Variants in ANKRD12 observed in about 807,000 individuals in gnomAD.
ANKRD12 encodes the protein ankyrin repeat domain 12.
In ANKRD12, 85 loss-of-function variants were observed where a neutral mutation model predicts 183.4. That is an observed-to-expected ratio of 0.46 (90% CI 0.39 to 0.56). ANKRD12 has a LOEUF of 0.56. ANKRD12 is among the 20% of genes least tolerant of loss of function. The pLI is 0.00. For missense variants in ANKRD12, 2,405 were observed against 2,357.1 expected, an observed-to-expected ratio of 1.02 and a Z score of -0.42; for synonymous variants, 914 against 800.2, an observed-to-expected ratio of 1.14 and a Z score of -2.40.
rs528711326 is a variant in ANKRD12, at chr18:9,284,697, C to G, written c.*3571C>G. The stretch of plus-strand genomic sequence containing the variant: ...TTAAGCCTCCACAGAGATAGTCACC[C>G]AAAGTATTTCCAGTCAGTAAAAGTA... On this transcript the variant is annotated 3_prime_UTR_variant, in exon 13 of 13. Transcript: ENST00000262126. 6.6e-6 allele frequency: 1 copy of G among 151,566 alleles called. No homozygotes were observed. Among genetic ancestry groups the G allele is most frequent in the Non-Finnish European group, 1.5e-5 (1 of 67,922 alleles). The allele number at this position is 151,566 out of a possible 1,614,324, so 9.4% of individuals were successfully genotyped here.
At chr18:9,229,714 G>T (rs1036300470) in intron 8 of ANKRD12, among the ~76,000 whole-genome samples, 2 of 152,050 alleles carry the variant, frequency 1.3e-5, no homozygotes, top group African/African-American at 4.8e-5. Context: ...TTTTCTGCTT[G>T]TGTTGAAATT....
intron 1 of ANKRD12, among the ~76,000 whole-genome samples, chr18:9,163,690 G>C (rs540988507): frequency 6.6e-6 from 1 of 152,210 alleles, no homozygotes; most frequent in East Asian, 1.9e-4. Context: ...CCGTTTGTTT[G>C]TGTCCTCTCT....
At chr18:9,248,983 C>T (rs1419439103) in intron 8 of ANKRD12, among the ~76,000 whole-genome samples, 1 of 152,192 alleles carries the variant, frequency 6.6e-6, no homozygotes, top group Non-Finnish European at 1.5e-5. Flanking sequence ...ATGTTTGTAT[C>T]TCTTTCTACA....
intron 10 of ANKRD12, among the ~76,000 whole-genome samples, chr18:9,271,684 A>C (rs1053102060): frequency 1.3e-5 from 2 of 152,218 alleles, no homozygotes; most frequent in Non-Finnish European, 2.9e-5. Context: ...AAATTAGTAT[A>C]AAAATTTGGG....
rs989479175 is a variant in ANKRD12, at chr18:9,203,894, T to G, written c.236-582T>G. ...TGCTGGGATTACAGGCGTGAGCCAC[T>G]GTGCCCGGCCAGAATTCCATGTTCT... On this transcript the variant is annotated intron_variant, in intron 3 of 12. Coordinates refer to ENST00000262126, the MANE Select transcript of ANKRD12 (RefSeq NM_015208.5). Among the ~76,000 whole-genome samples the G allele has an allele frequency of 4.6e-5, 7 of 152,196 alleles. No homozygotes were observed. The South Asian group carries it at 1.4e-3, about 31-fold the overall frequency.
chr18:9,194,939 G>A (rs970480271), intron 2 of ANKRD12, among the ~76,000 whole-genome samples: 12 of 152,084 alleles, frequency 7.9e-5, no homozygotes, highest in Non-Finnish European at 1.3e-4. Flanking sequence ...ACCTAAATGC[G>A]CATCAACAGT....
intron 5 of ANKRD12, among the ~76,000 whole-genome samples, chr18:9,209,098 A>G (rs1160572850): frequency 1.3e-5 from 2 of 152,182 alleles, no homozygotes; most frequent in South Asian, 2.1e-4. Context: ...ATTAACAGTC[A>G]TTTTATATTT....
intron 6 of ANKRD12, among the ~76,000 whole-genome samples, chr18:9,212,045 A>G (rs965243264): frequency 6.6e-6 from 1 of 152,192 alleles, no homozygotes; most frequent in South Asian, 2.1e-4. Context: ...TATCCAAGTT[A>G]GGTTTTGCCC....
chr18:9,271,445 G>C (rs1418374614), intron 10 of ANKRD12, among the ~76,000 whole-genome samples: 19 of 152,174 alleles, frequency 1.2e-4, no homozygotes, highest in East Asian at 1.9e-4. Flanking sequence ...CGTGAACCCA[G>C]GAGGCGGAGG....
chr18:9,208,339 A>G (rs555603268), intron 4 of ANKRD12, among the ~76,000 whole-genome samples: 57 of 152,180 alleles, frequency 3.7e-4, no homozygotes, highest in Non-Finnish European at 7.4e-4. Flanking sequence ...AATACTAAAG[A>G]ATGTCTGCAC....
chr18:9,262,903 A>G (rs2039064360), intron 9 of ANKRD12, among the ~76,000 whole-genome samples: 1 of 144,912 alleles, frequency 6.9e-6, no homozygotes, highest in South Asian at 2.2e-4. Flanking sequence ...AGTTCAAGCA[A>G]TTTTCCTGCC....
intron 10 of ANKRD12, among the ~76,000 whole-genome samples, chr18:9,266,252 G>A (rs537066047): frequency 3.3e-5 from 5 of 152,182 alleles, no homozygotes; most frequent in African/African-American, 1.2e-4. Context: ...TTCAAATTCA[G>A]GAAATACAGA....
At position 9,169,174 on chromosome 18, in the gene ANKRD12, A is replaced by G. The variant is rs570794715; in HGVS notation, c.-51-13208A>G. Among the ~76,000 whole-genome samples the G allele has an allele frequency of 6.6e-5, 10 of 152,164 alleles. No homozygotes were observed. The South Asian group carries it at 2.1e-3, about 32-fold the overall frequency. ...CAATTTTGGAGTAGGTGTGGTGCTG[A>G]AAAGAATGTATATGCTGTTGATTTG... On this transcript the variant is annotated intron_variant, in intron 1 of 12. Transcript: ENST00000262126.
intron 2 of ANKRD12, among the ~76,000 whole-genome samples, chr18:9,184,441 A>T: frequency 6.6e-6 from 1 of 151,754 alleles, no homozygotes; most frequent in Non-Finnish European, 1.5e-5. Context: ...CCCAGGCTGG[A>T]GAGTGCAGTG....
chr18:9,223,516 C>T (rs188208323), intron 8 of ANKRD12, among the ~76,000 whole-genome samples: 20 of 151,572 alleles, frequency 1.3e-4, no homozygotes, highest in African/African-American at 4.6e-4. Flanking sequence ...TCAGTATTGA[C>T]GTTAGACAAA....
Position 9,257,106 on chromosome 18 carries a change from G to A in ANKRD12, c.3839G>A (p.Arg1280Lys). Residue 1280 changes from arginine (R) to lysine (K), a missense_variant, in exon 9 of 13, where the codon AGA (arginine) becomes AAA (lysine). Physicochemically the swap from Arg to Lys is conservative, Grantham distance 26. Coordinates refer to ENST00000262126, the MANE Select transcript of ANKRD12 (RefSeq NM_015208.5). ...CGGATTAAACCACCATATGCAAACA[G>A]ACTTTCAACATCCCATCTTAGGTCA... Reference protein sequence around the residue: ...PERIKPPYANRLSTSHLRSSS... With the variant: ...PERIKPPYANKLSTSHLRSSS... 6.2e-7 allele frequency: 1 copy of A among 1,614,126 alleles called. No individual in the cohort carries two copies. Among genetic ancestry groups the A allele is most frequent in the South Asian group, 1.1e-5 (1 of 91,078 alleles).
chr18:9,274,007 A>T (rs1568005556), intron 10 of ANKRD12, among the ~76,000 whole-genome samples: 2 of 152,222 alleles, frequency 1.3e-5, no homozygotes, highest in African/African-American at 4.8e-5. Context: ...AAGTAACTAA[A>T]ATCTACTGGA....
Position 9,258,108 on chromosome 18 carries a change from C to A in ANKRD12, c.4841C>A (p.Ser1614Tyr). ...YAFSKLTYKSSSGHEVENSTT... is the reference protein window; with the variant it reads ...YAFSKLTYKSYSGHEVENSTT... ...TTTAGCAAACTAACTTACAAGTCTTCCAGTGGCCATGAAGTTGAGAATAGC... is the reference window on the plus strand; with the variant it reads ...TTTAGCAAACTAACTTACAAGTCTTACAGTGGCCATGAAGTTGAGAATAGC... The change falls in exon 9 of 13, where the codon TCC becomes TAC. Residue 1614 changes from serine to tyrosine, a missense_variant. Coordinates refer to ENST00000262126, the MANE Select transcript of ANKRD12 (RefSeq NM_015208.5). The A allele has an allele frequency of 1.2e-6, 2 of 1,613,464 alleles. No individual in the cohort carries two copies. The highest frequency in any genetic ancestry group is 2.2e-5 in the East Asian group (1 of 44,870).
chr18:9,179,833 A>T (rs1246702504), intron 1 of ANKRD12, among the ~76,000 whole-genome samples: 1 of 152,060 alleles, frequency 6.6e-6, no homozygotes. Flanking sequence ...TAATTTCTTT[A>T]TTGTCTACGA....
Sources: gnomAD v4.1 joint callset for allele counts (sites outside exome capture counted in the v4.1 genomes callset) on GRCh38, gnomAD v4.1.1 for gene constraint, MANE v1.5 for transcripts, NCBI Gene and HGNC (gene_info 2026-07-23, HGNC 2026-07-21) for gene names.